The following CHMP4B variants were observed in gnomAD, a reference collection of about 807,000 sequenced individuals.
CHMP4B encodes SNF7 homolog associated with Alix 1.
CHMP4B carries 1 observed loss-of-function variant against 25.1 expected under a neutral mutation model. The ratio of observed to expected loss-of-function variants is 0.04; its 90% confidence interval spans 0.01 to 0.19. CHMP4B has a LOEUF of 0.19. Among genes scored for constraint, CHMP4B ranks in the 10% least tolerant of loss-of-function variants. The pLI, the probability that CHMP4B is intolerant of heterozygous loss-of-function variation, is 1.00. For synonymous variants in CHMP4B, 101 were observed against 115.6 expected, an observed-to-expected ratio of 0.87 and a Z score of 0.81; for missense variants, 151 against 289.7, an observed-to-expected ratio of 0.52 and a Z score of 3.48.
intron 1 of CHMP4B, among the ~76,000 whole-genome samples, chr20:33,827,806 C>T (rs985509918): frequency 1.1e-4 from 17 of 152,262 alleles, no homozygotes; most frequent in Non-Finnish European, 2.2e-4. Flanking sequence ...GACTTCCTCA[C>T]TGACCCGCCT....
intron 1 of CHMP4B, among the ~76,000 whole-genome samples, chr20:33,845,038 T>C (rs1050669461): frequency 2.6e-5 from 4 of 152,098 alleles, no homozygotes; most frequent in East Asian, 1.9e-4. Flanking sequence ...GGACTACAGG[T>C]GTGAGCCACC....
chr20:33,835,817 G>A (rs954439057), intron 1 of CHMP4B, among the ~76,000 whole-genome samples: 1 of 152,234 alleles, frequency 6.6e-6, no homozygotes, highest in Non-Finnish European at 1.5e-5. Flanking sequence ...TCCACTCATG[G>A]TGGAAGGCGA....
intron 1 of CHMP4B, among the ~76,000 whole-genome samples, chr20:33,831,309 C>T (rs574954909): frequency 6.6e-6 from 1 of 152,280 alleles, no homozygotes; most frequent in South Asian, 2.1e-4. Context: ...TGGTCTCGAA[C>T]TCCTGACCTC....
chr20:33,835,672 T>C (rs1979372917), intron 1 of CHMP4B, among the ~76,000 whole-genome samples: 1 of 152,222 alleles, frequency 6.6e-6, no homozygotes, highest in African/African-American at 2.4e-5. Flanking sequence ...TATCTTAGTC[T>C]ATTTGTGTTG....
chr20:33,850,601 C>T (rs1979819678), intron 2 of CHMP4B, among the ~76,000 whole-genome samples: 1 of 152,222 alleles, frequency 6.6e-6, no homozygotes, highest in South Asian at 2.1e-4. Context: ...TTACTTCCCC[C>T]TGTACAGAGT....
intron 1 of CHMP4B, among the ~76,000 whole-genome samples, chr20:33,841,146 A>G (rs1293071900): frequency 6.6e-6 from 1 of 152,226 alleles, no homozygotes; most frequent in Non-Finnish European, 1.5e-5. Context: ...TTTCAAACAG[A>G]TAAGGGGCTT....
chr20:33,841,604 C>T (rs572053385), intron 1 of CHMP4B, among the ~76,000 whole-genome samples: 1 of 152,332 alleles, frequency 6.6e-6, no homozygotes, highest in African/African-American at 2.4e-5. Flanking sequence ...GGCACCCTCA[C>T]ACAGGGTAGA....
At chr20:33,848,154 A>C (rs1979739883) in intron 1 of CHMP4B, among the ~76,000 whole-genome samples, 1 of 152,142 alleles carries the variant, frequency 6.6e-6, no homozygotes, top group South Asian at 2.1e-4. Context: ...CTGGGCTTTG[A>C]CCCTAAGGGA....
rs146968489 is a variant in CHMP4B at position 33,839,446 on chromosome 20, A to G, written c.191-9021A>G. On this transcript the variant is annotated intron_variant, in intron 1 of 4. Transcript: ENST00000217402. ...AAAGCTCACAGCAAACTTTCCAGCT[A>G]TGTAGAGTCATCGACCTAAGTGTAG... Among the ~76,000 whole-genome samples, 66 of 152,358 alleles carry G rather than the reference A, an allele frequency of 4.3e-4. No individual in the cohort carries two copies. In the East Asian group the frequency reaches 5.8e-3, roughly 13 times the overall value.
At chr20:33,819,010 A>G (rs753814136) in intron 1 of CHMP4B, among the ~76,000 whole-genome samples, 21 of 152,098 alleles carry the variant, frequency 1.4e-4, no homozygotes, top group Non-Finnish European at 2.8e-4. Context: ...CCCGGGTTCA[A>G]GTGATTATCC....
Position 33,844,827 on chromosome 20 carries a change from C to T in CHMP4B, c.191-3640C>T, listed in dbSNP as rs541616099. ...AGGCTGGAGTGCAGTGTCGTGATCT[C>T]GGTTCTCTACAAGCTCCGCCTCCTG... On this transcript the variant is annotated intron_variant, in intron 1 of 4. Coordinates refer to ENST00000217402, the MANE Select transcript of CHMP4B (RefSeq NM_176812.5). Among the ~76,000 whole-genome samples, 13 of 150,852 alleles carry T rather than the reference C, an allele frequency of 8.6e-5. No homozygotes were observed. The South Asian group carries it at 2.1e-3, about 24-fold the overall frequency.
In CHMP4B at chr20:33,832,947, T is replaced by TA. The variant is rs570975841; in HGVS notation, c.191-15511dup. Among the ~76,000 whole-genome samples the TA allele has an allele frequency of 5.1e-4, 59 of 116,026 alleles. 1 individual carries two copies. In the South Asian group the frequency reaches 0.012, roughly 24 times the overall value. 76.1% of individuals were successfully genotyped at this position (116,026 alleles called of 152,430 possible). On this transcript the variant is annotated intron_variant, in intron 1 of 4. Coordinates refer to ENST00000217402, the MANE Select transcript of CHMP4B (RefSeq NM_176812.5). ...GTGTGCACCACCATGCCTGGCTAAT[T>TA]AAAAAAAAATTTTTTTTTTTTTGTA...
rs1171021261 is a variant in CHMP4B, at chr20:33,811,489, G to C, written c.21G>C (p.Leu7=). Residue 7 remains leucine (L), a synonymous_variant, in exon 1 of 5, where the codon CTG becomes CTC. Transcript: ENST00000217402. MSVFGK[L]FGAGGGKAGK... ...CAACCATGTCGGTGTTCGGGAAGCT[G>C]TTCGGGGCTGGAGGGGGTAAGGCCG... 6.3e-7 allele frequency: 1 copy of C among 1,582,844 alleles called. No individual in the cohort carries two copies. Among genetic ancestry groups the C allele is most frequent in the Admixed American group, 1.8e-5 (1 of 54,784 alleles).
intron 1 of CHMP4B, among the ~76,000 whole-genome samples, chr20:33,822,386 C>T (rs1299183880): frequency 6.6e-6 from 1 of 152,186 alleles, no homozygotes; most frequent in African/African-American, 2.4e-5. Context: ...CTCAGGTGAT[C>T]CACCTGCCTC....
intron 1 of CHMP4B, among the ~76,000 whole-genome samples, chr20:33,828,588 A>G (rs1301507813): frequency 1.3e-5 from 2 of 152,140 alleles, no homozygotes; most frequent in Admixed American, 1.3e-4. Flanking sequence ...TCTCTGTGTG[A>G]CCAGGCTGAA....
chr20:33,840,193 C>T (rs989527635), intron 1 of CHMP4B, among the ~76,000 whole-genome samples: 4 of 150,050 alleles, frequency 2.7e-5, no homozygotes, highest in South Asian at 4.3e-4. Flanking sequence ...TTGCAGTAAG[C>T]GGAGATCGCG....
intron 1 of CHMP4B, among the ~76,000 whole-genome samples, chr20:33,840,289 A>G (rs1979501398): frequency 6.6e-6 from 1 of 151,868 alleles, no homozygotes; most frequent in Non-Finnish European, 1.5e-5. Flanking sequence ...AAGAAGATGC[A>G]GAGATCCCCA....
At chr20:33,819,558 C>A (rs891723128) in intron 1 of CHMP4B, among the ~76,000 whole-genome samples, 1 of 152,190 alleles carries the variant, frequency 6.6e-6, no homozygotes, top group Non-Finnish European at 1.5e-5. Flanking sequence ...AGCTCTACCT[C>A]CTCCCTCTTC....
At chr20:33,835,227 T>A (rs1979360764) in intron 1 of CHMP4B, among the ~76,000 whole-genome samples, 2 of 152,242 alleles carry the variant, frequency 1.3e-5, no homozygotes, top group South Asian at 2.1e-4. Flanking sequence ...TCAGTATATG[T>A]AATGTATATT....
Sources: allele counts gnomAD v4.1 joint callset (sites outside exome capture counted in the v4.1 genomes callset), GRCh38; gene constraint gnomAD v4.1.1; transcripts MANE v1.5; gene names NCBI Gene and HGNC (gene_info 2026-07-23, HGNC 2026-07-21).